BABAM2: variants seen among roughly 807,000 people sequenced by gnomAD.
BABAM2 encodes BRISC and BRCA1 A complex member 2.
In BABAM2, 31 loss-of-function variants were observed where a neutral mutation model predicts 54.7. The ratio of observed to expected loss-of-function variants is 0.57; its 90% CI spans 0.43 to 0.77. BABAM2 has a LOEUF of 0.77. BABAM2 is among the 30% of genes least tolerant of loss of function. BABAM2 has a pLI of 0.00. For synonymous variants in BABAM2, 167 were observed against 162.9 expected, an observed-to-expected ratio of 1.03 and a Z score of -0.19; for missense variants, 364 against 455.8, an observed-to-expected ratio of 0.80 and a Z score of 1.83.
At chr2:28,170,457 G>A (rs1674200853) in intron 7 of BABAM2, among the ~76,000 whole-genome samples, 1 of 151,976 alleles carries the variant, frequency 6.6e-6, no homozygotes, top group Admixed American at 6.6e-5. Context: ...CTGAGTCAAA[G>A]TATCACAATT....
chr2:28,208,227 A>G (rs1679084581), intron 7 of BABAM2, among the ~76,000 whole-genome samples: 1 of 152,216 alleles, frequency 6.6e-6, no homozygotes, highest in Non-Finnish European at 1.5e-5. Context: ...AGTGACCTGG[A>G]GTGGGACAGA....
chr2:28,071,247 CTT>C (rs1000176318), intron 6 of BABAM2, among the ~76,000 whole-genome samples: 2 of 152,090 alleles, frequency 1.3e-5, no homozygotes, highest in African/African-American at 4.8e-5. Context: ...TTTTAAGTCT[CTT>C]TTCATTTATA....
At chr2:28,281,553 T>C (rs1360786128) in intron 10 of BABAM2, among the ~76,000 whole-genome samples, 2 of 152,188 alleles carry the variant, frequency 1.3e-5, no homozygotes, top group Non-Finnish European at 2.9e-5. Flanking sequence ...TGAAGAGTAC[T>C]CAAAGTGACT....
chr2:28,052,868 C>G (rs1482051131), intron 6 of BABAM2, among the ~76,000 whole-genome samples: 2 of 152,124 alleles, frequency 1.3e-5, no homozygotes, highest in African/African-American at 4.8e-5. Context: ...CTCATCTGCC[C>G]TTAGGAACAG....
chr2:28,172,991 G>A (rs907748749), intron 7 of BABAM2, among the ~76,000 whole-genome samples: 44 of 152,108 alleles, frequency 2.9e-4, no homozygotes, highest in African/African-American at 8.5e-4. Flanking sequence ...CAGCCTTCTC[G>A]CCGTGTCCTC....
At chr2:28,110,587 G>T (rs2148724982) in intron 6 of BABAM2, among the ~76,000 whole-genome samples, 1 of 151,828 alleles carries the variant, frequency 6.6e-6, no homozygotes. Flanking sequence ...TTGCGCCATT[G>T]CACTCCAGCC....
intron 6 of BABAM2, among the ~76,000 whole-genome samples, chr2:28,118,401 T>C (rs1027309559): frequency 3.9e-5 from 6 of 152,230 alleles, no homozygotes; most frequent in African/African-American, 1.4e-4. Context: ...GACTTCTTAA[T>C]AATTGCCATT....
At chr2:28,027,041 C>G (rs535406864) in intron 5 of BABAM2, among the ~76,000 whole-genome samples, 10 of 134,660 alleles carry the variant, frequency 7.4e-5, no homozygotes, top group Non-Finnish European at 1.1e-4. Context: ...AAAAACAAAA[C>G]TCTGTATGAT....
intron 7 of BABAM2, among the ~76,000 whole-genome samples, chr2:28,138,215 C>A (rs1171214714): frequency 2.6e-5 from 4 of 152,014 alleles, no homozygotes; most frequent in Non-Finnish European, 5.9e-5. Context: ...GGGAAAATGC[C>A]CCCAGGATGT....
At chr2:28,204,957 GTTTTT>G (rs933906946) in intron 7 of BABAM2, among the ~76,000 whole-genome samples, 56 of 145,636 alleles carry the variant, frequency 3.8e-4, no homozygotes, top group Admixed American at 3.8e-3. Context: ...CAGTAAAAAA[GTTTTT>G]TTTTAACTTT....
At chr2:27,893,411 ATAATT>A (rs1382142537) in intron 1 of BABAM2, among the ~76,000 whole-genome samples, 2 of 152,216 alleles carry the variant, frequency 1.3e-5, no homozygotes, top group Non-Finnish European at 2.9e-5. Context: ...GTATGTTTTC[ATAATT>A]TAATTGTCAA....
At chr2:28,133,373 A>G (rs940646159) in intron 7 of BABAM2, among the ~76,000 whole-genome samples, 1 of 152,228 alleles carries the variant, frequency 6.6e-6, no homozygotes, top group Admixed American at 6.5e-5. Flanking sequence ...TTCAGGAGTC[A>G]TGGGAAAAGC....
chr2:28,102,885 G>C (rs1456786468), intron 6 of BABAM2, among the ~76,000 whole-genome samples: 1 of 152,098 alleles, frequency 6.6e-6, no homozygotes, highest in Non-Finnish European at 1.5e-5. Context: ...ACTGCATTGA[G>C]TTTTCTTATA....
At chr2:28,115,959 A>G (rs1024824473) in intron 6 of BABAM2, among the ~76,000 whole-genome samples, 5 of 151,844 alleles carry the variant, frequency 3.3e-5, no homozygotes, top group Non-Finnish European at 2.9e-5. Context: ...TACTAAAAAT[A>G]CAAAAATTAG....
intron 11 of BABAM2, among the ~76,000 whole-genome samples, chr2:28,302,586 C>T (rs1688193682): frequency 6.6e-6 from 1 of 152,114 alleles, no homozygotes; most frequent in Non-Finnish European, 1.5e-5. Context: ...TTTTTGTAGA[C>T]ATGTGTTTTC....
chr2:28,067,660 C>G (rs72814415), intron 6 of BABAM2, among the ~76,000 whole-genome samples: 4,338 of 152,262 alleles, frequency 0.028, 103 homozygotes, highest in South Asian at 0.1. Flanking sequence ...AGAGTCATGT[C>G]AGGTTTTAAA....
chr2:28,241,788 C>T (rs979804940), intron 9 of BABAM2, among the ~76,000 whole-genome samples: 1 of 151,930 alleles, frequency 6.6e-6, no homozygotes, highest in Non-Finnish European at 1.5e-5. Context: ...CCACCACACC[C>T]AGCCCCACAT....
intron 10 of BABAM2, among the ~76,000 whole-genome samples, chr2:28,286,086 G>A (rs1337394768): frequency 6.6e-6 from 1 of 151,644 alleles, no homozygotes; most frequent in African/African-American, 2.4e-5. Flanking sequence ...GTCCTGAGTA[G>A]CTGGGATTAC....
chr2:28,009,982 G>A (rs1674271617), intron 4 of BABAM2, among the ~76,000 whole-genome samples: 2 of 152,128 alleles, frequency 1.3e-5, no homozygotes. Context: ...CTGTTTAAGG[G>A]ACTGTGAAGC....
Sources: gnomAD v4.1 joint callset for allele counts (sites outside exome capture counted in the v4.1 genomes callset) on GRCh38, gnomAD v4.1.1 for gene constraint, MANE v1.5 for transcripts, NCBI Gene and HGNC (gene_info 2026-07-23, HGNC 2026-07-21) for gene names.